Variants in NDST4 observed in about 807,000 individuals in gnomAD.
NDST4 encodes N-heparan sulfate sulfotransferase 4.
Under a neutral mutation model 100.8 loss-of-function variants are expected in NDST4, and 63 were observed. That is an observed-to-expected ratio of 0.62 (90% CI 0.51 to 0.77). The LOEUF (loss-of-function observed/expected upper bound fraction) is 0.77. Among genes scored for constraint, NDST4 ranks in the 30% least tolerant of loss-of-function variants. The probability of loss-of-function intolerance (pLI) is 0.00; values close to 1 mark genes in which losing one functional copy is unlikely to be tolerated. For missense variants in NDST4, 943 were observed against 1,018.4 expected (o/e 0.93, Z 1.01); for synonymous variants, 377 against 361.8 (o/e 1.04, Z -0.48).
chr4:114,828,958 A>G (rs899497350), intron 13 of NDST4, among the ~76,000 whole-genome samples: 1 of 152,150 alleles, frequency 6.6e-6, no homozygotes. Flanking sequence ...ACCAGATTGT[A>G]AACACTTCAC....
intron 2 of NDST4, among the ~76,000 whole-genome samples, chr4:115,023,272 G>A (rs533567844): frequency 1.3e-5 from 2 of 152,202 alleles, no homozygotes; most frequent in Admixed American, 6.6e-5. Flanking sequence ...GATCACTTGA[G>A]GTCCGGAGTT....
chr4:114,965,480 T>C (rs1314099332), intron 4 of NDST4, among the ~76,000 whole-genome samples: 3 of 152,056 alleles, frequency 2.0e-5, no homozygotes, highest in African/African-American at 7.2e-5. Context: ...AAAAGTTATA[T>C]AGATTTCATA....
intron 6 of NDST4, among the ~76,000 whole-genome samples, chr4:114,931,173 T>C (rs2126223532): frequency 6.6e-6 from 1 of 151,846 alleles, no homozygotes; most frequent in African/African-American, 2.4e-5. Context: ...ATGTCATTAC[T>C]ATAATTAAAA....
rs1387071368 is a variant in NDST4, at chr4:114,943,172, T to C, written c.1222-5669A>G. Among the ~76,000 whole-genome samples the C allele has an allele frequency of 2.7e-5, 4 of 150,270 alleles. 1 individual carries two copies. The highest frequency in any genetic ancestry group is 5.9e-5 in the Non-Finnish European group (4 of 67,618). On this transcript the variant is annotated intron_variant, in intron 4 of 13. Transcript: ENST00000264363. The stretch of plus-strand genomic sequence containing the variant: ...CCATGTATTTCCCATAAAATTCACA[T>C]AAAAAGTTTGAATGTTTAATAATAA...
At chr4:115,004,529 C>T (rs921176205) in intron 2 of NDST4, among the ~76,000 whole-genome samples, 3 of 152,038 alleles carry the variant, frequency 2.0e-5, no homozygotes, top group Non-Finnish European at 2.9e-5. Context: ...TTCTGAGCTG[C>T]GGCTGAGAAA....
chr4:114,969,698 T>G (rs556157440), intron 4 of NDST4, among the ~76,000 whole-genome samples: 2 of 152,340 alleles, frequency 1.3e-5, no homozygotes, highest in African/African-American at 4.8e-5. Flanking sequence ...TGGACCACAT[T>G]TTCTTTATCC....
intron 1 of NDST4, among the ~76,000 whole-genome samples, chr4:115,094,190 T>C (rs1348309329): frequency 1.3e-5 from 2 of 152,016 alleles, no homozygotes; most frequent in Admixed American, 6.6e-5. Flanking sequence ...AAAGTTCCTA[T>C]AAAATATTGC....
Position 115,030,780 on chromosome 4 carries a change from G to T in NDST4, c.978+45279C>A, listed in dbSNP as rs111912203. Among the ~76,000 whole-genome samples, 1,197 of 152,126 alleles carry T rather than the reference G, an allele frequency of 7.9e-3. 23 individuals are homozygous for T. Among genetic ancestry groups the T allele is most frequent in the African/African-American group, 0.027 (1,118 of 41,512 alleles). ...TTTTAAACATGTGTATGAGATAAAA[G>T]GAAGAACACGTTACTGGGGATGAAG... On this transcript the variant is annotated intron_variant, in intron 2 of 13. Coordinates refer to ENST00000264363, the MANE Select transcript of NDST4 (RefSeq NM_022569.3).
At chr4:114,963,539 A>G (rs900643383) in intron 4 of NDST4, among the ~76,000 whole-genome samples, 2 of 152,184 alleles carry the variant, frequency 1.3e-5, no homozygotes, top group African/African-American at 4.8e-5. Flanking sequence ...ACTGAAAACC[A>G]TTGAAGTTTA....
At chr4:115,079,032 A>G (rs2126290731) in intron 1 of NDST4, among the ~76,000 whole-genome samples, 1 of 152,154 alleles carries the variant, frequency 6.6e-6, no homozygotes, top group South Asian at 2.1e-4. Flanking sequence ...GAACTAACAC[A>G]GCATTAAAAA....
At chr4:115,112,947 C>G (rs1228363520) in intron 1 of NDST4, among the ~76,000 whole-genome samples, 2 of 151,880 alleles carry the variant, frequency 1.3e-5, no homozygotes, top group Non-Finnish European at 2.9e-5. Context: ...AGCTGTTTCT[C>G]TAAAGCAGAC....
intron 2 of NDST4, among the ~76,000 whole-genome samples, chr4:115,005,739 T>G (rs1320353672): frequency 6.6e-6 from 1 of 151,924 alleles, no homozygotes; most frequent in Non-Finnish European, 1.5e-5. Flanking sequence ...GAGTACAAGT[T>G]AGCTGGATAA....
chr4:115,099,207 A>G (rs1729680326), intron 1 of NDST4, among the ~76,000 whole-genome samples: 1 of 152,208 alleles, frequency 6.6e-6, no homozygotes, highest in African/African-American at 2.4e-5. Context: ...AATGTAAAAT[A>G]CATAACTATA....
intron 2 of NDST4, among the ~76,000 whole-genome samples, chr4:115,012,729 T>A (rs2126261268): frequency 1.0e-5 from 1 of 98,918 alleles, no homozygotes; most frequent in South Asian, 3.0e-4. Context: ...ATCAAAGAAA[T>A]ACCTGTACTC....
At chr4:114,944,638 A>G (rs1055008521) in intron 4 of NDST4, among the ~76,000 whole-genome samples, 2 of 152,196 alleles carry the variant, frequency 1.3e-5, no homozygotes, top group Admixed American at 6.5e-5. Flanking sequence ...GAAACCATAC[A>G]ATGTAGGTAA....
At chr4:114,922,929 G>T (rs1335670002) in intron 6 of NDST4, among the ~76,000 whole-genome samples, 1 of 152,184 alleles carries the variant, frequency 6.6e-6, no homozygotes, top group African/African-American at 2.4e-5. Flanking sequence ...TGTGTAAACA[G>T]CTGTGACATC....
intron 2 of NDST4, among the ~76,000 whole-genome samples, chr4:115,030,849 A>G (rs1043358942): frequency 6.6e-6 from 1 of 152,130 alleles, no homozygotes; most frequent in Non-Finnish European, 1.5e-5. Flanking sequence ...TTACAATGAG[A>G]TAAGTATTGG....
intron 13 of NDST4, among the ~76,000 whole-genome samples, chr4:114,828,683 T>C (rs986130548): frequency 1.3e-5 from 2 of 152,192 alleles, no homozygotes; most frequent in East Asian, 1.9e-4. Context: ...TATAACCCAA[T>C]TGGCAGATTT....
At chr4:114,863,401 G>A (rs753177602) in intron 7 of NDST4, among the ~76,000 whole-genome samples, 6 of 152,214 alleles carry the variant, frequency 3.9e-5, no homozygotes, top group South Asian at 2.1e-4. Flanking sequence ...GTGTGCATGC[G>A]CACATGTGCA....
Sources: gnomAD v4.1 joint callset for allele counts (sites outside exome capture counted in the v4.1 genomes callset) on GRCh38, gnomAD v4.1.1 for gene constraint, MANE v1.5 for transcripts, NCBI Gene and HGNC (gene_info 2026-07-23, HGNC 2026-07-21) for gene names.